Variants in AKAP13 observed in about 807,000 individuals in gnomAD.
The protein encoded by AKAP13 is A-kinase anchor protein 13.
AKAP13 carries 80 observed loss-of-function variants against 264.5 expected under a neutral mutation model. That is an observed-to-expected ratio of 0.30 (90% CI 0.25 to 0.36). AKAP13 has a LOEUF of 0.36. Among genes scored for constraint, AKAP13 ranks in the 10% least tolerant of loss-of-function variants. The pLI, the probability that AKAP13 is intolerant of heterozygous loss-of-function variation, is 1.00. For missense variants in AKAP13, 3,712 were observed against 3,435.2 expected (o/e 1.08, Z -2.01); for synonymous variants, 1,380 against 1,250.2 (o/e 1.10, Z -2.19).
At chr15:85,514,195 C>T (rs1217840969) in intron 2 of AKAP13, among the ~76,000 whole-genome samples, 1 of 137,318 alleles carries the variant, frequency 7.3e-6, no homozygotes, top group East Asian at 2.0e-4. Flanking sequence ...TTCCAGCAAT[C>T]TCCCCTCTTT....
At chr15:85,582,641 G>T (rs1305176331) in intron 7 of AKAP13, among the ~76,000 whole-genome samples, 1 of 149,798 alleles carries the variant, frequency 6.7e-6, no homozygotes, top group African/African-American at 2.4e-5. Flanking sequence ...GTGGTATTAG[G>T]TCATTGGTGG....
rs538841118 is a variant in AKAP13, at chr15:85,717,671, A to G, written c.5848+269A>G. ...CCTTCCCTTAGACTTTTTTACATGT[A>G]CAGTTCTAGCTCACAGAGCAATTGT... On this transcript the variant is annotated intron_variant, in intron 21 of 36. Transcript: ENST00000394518. Among the ~76,000 whole-genome samples the G allele has an allele frequency of 1.2e-4, 18 of 152,326 alleles. No individual in the cohort carries two copies. The South Asian group carries it at 3.5e-3, about 30-fold the overall frequency.
At position 85,736,688 on chromosome 15, in the gene AKAP13, T is replaced by G. The variant is rs541324766; in HGVS notation, c.7557+554T>G. Among the ~76,000 whole-genome samples, 5 of 152,174 alleles carry G rather than the reference T, an allele frequency of 3.3e-5. No homozygotes were observed. In the South Asian group the frequency reaches 1.0e-3, roughly 32 times the overall value. Reference sequence around the variant, plus strand: ...GCTGGGATGACAGACATAAGCCATCTTATCCAGCGCTTCTTGCTTTTAATG... The same window carrying G: ...GCTGGGATGACAGACATAAGCCATCGTATCCAGCGCTTCTTGCTTTTAATG... On this transcript the variant is annotated intron_variant, in intron 33 of 36. Coordinates refer to ENST00000394518, the MANE Select transcript of AKAP13 (RefSeq NM_007200.5).
intron 1 of AKAP13, among the ~76,000 whole-genome samples, chr15:85,483,641 A>AAAAAAAAAC (rs2075424166): frequency 7.0e-6 from 1 of 143,164 alleles, no homozygotes; most frequent in Non-Finnish European, 1.5e-5. Context: ...TCAAAAAAAA[A>AAAAAAAAAC]AAAAAAAAAA....
chr15:85,506,059 C>T (rs1036469774), intron 2 of AKAP13, among the ~76,000 whole-genome samples: 1 of 151,982 alleles, frequency 6.6e-6, no homozygotes, highest in Admixed American at 6.6e-5. Flanking sequence ...TTTGGGAGAC[C>T]GAGGAGGTGG....
intron 1 of AKAP13, among the ~76,000 whole-genome samples, chr15:85,453,776 C>T (rs2074179526): frequency 6.6e-6 from 1 of 151,856 alleles, no homozygotes; most frequent in Non-Finnish European, 1.5e-5. Context: ...AGCTTTGTTC[C>T]AGGGGAACTT....
rs2075519832 is a variant in AKAP13 at position 85,485,724 on chromosome 15, A to C, written c.4A>C (p.Lys2Gln). 1.2e-6 allele frequency: 2 copies of C among 1,613,364 alleles called. No individual in the cohort carries two copies. Among genetic ancestry groups the C allele is most frequent in the Non-Finnish European group, 8.5e-7 (1 of 1,179,542 alleles). The change falls in exon 2 of 37, where the codon AAA becomes CAA. Residue 2 changes from lysine (K) to glutamine (Q), a missense_variant. By Grantham distance (53) the Lys-to-Gln change is moderately conservative. Coordinates refer to ENST00000394518, the MANE Select transcript of AKAP13 (RefSeq NM_007200.5). M[K>Q]LNPQQAPLYG... Reference sequence around the variant, plus strand: ...TTCTGTTTCAGTGTCCTGGGTCATGAAACTTAATCCACAGCAAGCTCCCTT... The same window carrying C: ...TTCTGTTTCAGTGTCCTGGGTCATGCAACTTAATCCACAGCAAGCTCCCTT...
intron 29 of AKAP13, among the ~76,000 whole-genome samples, chr15:85,729,034 C>T (rs1204662470): frequency 2.0e-5 from 3 of 152,070 alleles, no homozygotes; most frequent in East Asian, 3.9e-4. Flanking sequence ...GGCTCGGTGG[C>T]TCATGCCTGT....
At chr15:85,442,114 G>T (rs931975793) in intron 1 of AKAP13, among the ~76,000 whole-genome samples, 3 of 151,976 alleles carry the variant, frequency 2.0e-5, no homozygotes, top group Non-Finnish European at 4.4e-5. Flanking sequence ...CAGAACATTT[G>T]TTAAAAATAT....
intron 2 of AKAP13, among the ~76,000 whole-genome samples, chr15:85,503,913 A>C (rs1042234136): frequency 9.9e-5 from 15 of 152,074 alleles, no homozygotes; most frequent in African/African-American, 3.4e-4. Flanking sequence ...AGGCTCTGTG[A>C]GGGAGATGAT....
At chr15:85,563,453 A>G (rs983467236) in intron 5 of AKAP13, among the ~76,000 whole-genome samples, 1 of 149,068 alleles carries the variant, frequency 6.7e-6, no homozygotes. Context: ...CAGATGGTGG[A>G]CTTTGGAACT....
chr15:85,723,476 A>G (rs888131608), intron 26 of AKAP13, among the ~76,000 whole-genome samples, 156 bp downstream of exon 26: 9 of 152,228 alleles, frequency 5.9e-5, no homozygotes, highest in African/African-American at 1.4e-4. Context: ...TCGTAATCTT[A>G]TATCAAAAAT....
intron 1 of AKAP13, among the ~76,000 whole-genome samples, chr15:85,450,030 G>A (rs909038182): frequency 6.6e-6 from 1 of 152,042 alleles, no homozygotes; most frequent in Non-Finnish European, 1.5e-5. Context: ...GAATTAGGCT[G>A]TGAATCCATC....
In AKAP13 at chr15:85,422,755, A is replaced by G. The variant is rs76661525; in HGVS notation, c.-12+41957A>G. On this transcript the variant is annotated intron_variant, in intron 1 of 36. Coordinates refer to ENST00000394518, the MANE Select transcript of AKAP13 (RefSeq NM_007200.5). ...TTTTGGCAGCAAACCCATCTCAGCA[A>G]TGCAGATGTTCTGCAGTAAAATAGG... 1.4e-3 allele frequency among the ~76,000 whole-genome samples: 214 copies of G among 152,374 alleles called. 1 individual carries two copies. The highest frequency in any genetic ancestry group is 5.0e-3 in the African/African-American group (207 of 41,582).
chr15:85,470,095 C>G (rs1235268607), intron 1 of AKAP13, among the ~76,000 whole-genome samples: 1 of 152,152 alleles, frequency 6.6e-6, no homozygotes, highest in Non-Finnish European at 1.5e-5. Flanking sequence ...CGAGACCAGC[C>G]TGGCCAACAC....
In AKAP13 at chr15:85,653,902, A is replaced by G. The variant is rs368989447; in HGVS notation, c.4375-1515A>G. On this transcript the variant is annotated intron_variant, in intron 10 of 36. Transcript: ENST00000394518. ...CATGAAGCTCATCTTTCCCTCACCCATCAAATTCTGTGTTCTGGTATCTCC... is the reference window on the plus strand; with the variant it reads ...CATGAAGCTCATCTTTCCCTCACCCGTCAAATTCTGTGTTCTGGTATCTCC... Among the ~76,000 whole-genome samples, 6 of 152,248 alleles carry G rather than the reference A, an allele frequency of 3.9e-5. No individual in the cohort carries two copies. The East Asian group carries it at 7.7e-4, about 20-fold the overall frequency.
intron 5 of AKAP13, among the ~76,000 whole-genome samples, chr15:85,548,902 CTTTTT>C (rs72092593): frequency 2.4e-5 from 3 of 123,338 alleles, no homozygotes; most frequent in Non-Finnish European, 3.5e-5. Flanking sequence ...ACCTCAGTGC[CTTTTT>C]TTTTTTTTTT....
intron 35 of AKAP13, among the ~76,000 whole-genome samples, chr15:85,741,741 A>AC (rs2089011622): frequency 6.8e-6 from 1 of 146,576 alleles, no homozygotes; most frequent in Admixed American, 6.7e-5. Flanking sequence ...AAAAAAAAAA[A>AC]CAGTTTTTAA....
intron 8 of AKAP13, among the ~76,000 whole-genome samples, chr15:85,612,816 C>A (rs1236714825): frequency 7.6e-6 from 1 of 130,918 alleles, no homozygotes; most frequent in African/African-American, 2.9e-5. Flanking sequence ...AGAGTGAGAC[C>A]CTGTCTCACA....
Sources: allele counts gnomAD v4.1 joint callset (sites outside exome capture counted in the v4.1 genomes callset), GRCh38; gene constraint gnomAD v4.1.1; transcripts MANE v1.5; gene names NCBI Gene and HGNC (gene_info 2026-07-23, HGNC 2026-07-21).